Variants in EPB41L2 observed in about 807,000 individuals in gnomAD.
EPB41L2 encodes erythrocyte membrane protein band 4.1 like 2.
In EPB41L2, 43 loss-of-function variants were observed where a neutral mutation model predicts 113.0. That is an observed-to-expected ratio of 0.38 (90% confidence interval 0.30 to 0.49). The LOEUF (loss-of-function observed/expected upper bound fraction) is 0.49, where lower values mean the gene tolerates loss of function less well. Ranked by LOEUF, EPB41L2 falls within the 20% of genes least tolerant of loss-of-function variation. The pLI, the probability that EPB41L2 is intolerant of heterozygous loss-of-function variation, is 0.95. For synonymous variants in EPB41L2, 442 were observed against 436.7 expected (o/e 1.01, Z -0.15); for missense variants, 1,147 against 1,223.4 (o/e 0.94, Z 0.93).
At chr6:130,921,435 G>A (rs896213137) in intron 4 of EPB41L2, among the ~76,000 whole-genome samples, 2 of 151,998 alleles carry the variant, frequency 1.3e-5, no homozygotes, top group African/African-American at 2.4e-5. Context: ...GAGAAAACAC[G>A]AGTCCCTACC....
intron 1 of EPB41L2, among the ~76,000 whole-genome samples, chr6:131,045,187 A>G (rs551983619): frequency 1.3e-5 from 2 of 152,246 alleles, no homozygotes; most frequent in African/African-American, 2.4e-5. Flanking sequence ...CTTCATGGAC[A>G]TGGTTTCCAC....
At chr6:131,016,281 G>A (rs1788180756) in intron 1 of EPB41L2, among the ~76,000 whole-genome samples, 1 of 152,024 alleles carries the variant, frequency 6.6e-6, no homozygotes, top group East Asian at 1.9e-4. Context: ...GATCTTTCCA[G>A]TAAAAAGAAT....
At chr6:130,967,270 T>G (rs1191847875) in intron 1 of EPB41L2, among the ~76,000 whole-genome samples, 2 of 147,746 alleles carry the variant, frequency 1.4e-5, no homozygotes, top group Non-Finnish European at 3.0e-5. Flanking sequence ...ATACAGAAGT[T>G]GCCTATATGG....
intron 6 of EPB41L2, among the ~76,000 whole-genome samples, chr6:130,903,217 A>G (rs1178759752): frequency 2.0e-5 from 3 of 152,180 alleles, no homozygotes; most frequent in African/African-American, 7.2e-5. Context: ...AGCCCCAGTT[A>G]CATGCATTGT....
At chr6:130,917,023 A>G (rs1367492396) in intron 4 of EPB41L2, among the ~76,000 whole-genome samples, 3 of 152,132 alleles carry the variant, frequency 2.0e-5, no homozygotes, top group Non-Finnish European at 2.9e-5. Flanking sequence ...CCACATTCCC[A>G]TATCTAAGTG....
At chr6:131,031,896 T>G (rs1792230002) in intron 1 of EPB41L2, among the ~76,000 whole-genome samples, 1 of 152,226 alleles carries the variant, frequency 6.6e-6, no homozygotes. Context: ...TTAAATGCCA[T>G]GAAACTCTTT....
intron 11 of EPB41L2, 45 bp downstream of exon 11, chr6:130,890,249 T>C: frequency 6.3e-7 from 1 of 1,576,850 alleles, no homozygotes; most frequent in Non-Finnish European, 8.6e-7. Flanking sequence ...CTCATGGGAT[T>C]AGAGAAAGAT....
rs747857496 is a variant in EPB41L2, at chr6:130,867,503, T to C, written c.2686A>G (p.Ile896Val). ...RTEISTKEVP[I>V]VQTETKTITY... ...ATGGTTTTGGTCTCAGTTTGGACAA[T>C]GGGGACTTCCTTGGTGGAGATTTCT... The change falls in exon 16 of 20, where the codon ATT becomes GTT. Residue 896 changes from isoleucine (I) to valine (V), a missense_variant. Transcript: ENST00000337057. 8 of 1,613,888 alleles carry C rather than the reference T, an allele frequency of 5.0e-6. No individual in the cohort carries two copies. Among genetic ancestry groups the C allele is most frequent in the Middle Eastern group, 1.6e-4 (1 of 6,080 alleles).
chr6:131,053,434 TA>T (rs71030727), intron 1 of EPB41L2, among the ~76,000 whole-genome samples: 32,167 of 88,880 alleles, frequency 0.36, 4,398 homozygotes, highest in Non-Finnish European at 0.42. Context: ...ATGGAAATGA[TA>T]AAAAAAAAAA....
chr6:131,058,644 TATA>T (rs1191416237), intron 1 of EPB41L2, among the ~76,000 whole-genome samples: 2 of 152,236 alleles, frequency 1.3e-5, no homozygotes, highest in Non-Finnish European at 2.9e-5. Flanking sequence ...CACAAATACC[TATA>T]ATATTCCCTC....
chr6:130,897,417 T>A (rs9483188), intron 8 of EPB41L2, among the ~76,000 whole-genome samples: 47 of 152,352 alleles, frequency 3.1e-4, no homozygotes, highest in Admixed American at 1.6e-3. Context: ...ATTTTTTTAG[T>A]GTTCTGCTCC....
chr6:130,878,832 T>C (rs912671064), intron 13 of EPB41L2, among the ~76,000 whole-genome samples: 15 of 152,230 alleles, frequency 9.9e-5, no homozygotes, highest in African/African-American at 3.4e-4. Context: ...TGATGGCTTT[T>C]AATTCTTAAG....
chr6:130,875,451 C>T (rs1298182410), intron 14 of EPB41L2, among the ~76,000 whole-genome samples: 1 of 152,148 alleles, frequency 6.6e-6, no homozygotes, highest in African/African-American at 2.4e-5. Flanking sequence ...AATTTTCCTT[C>T]CTTCGTGCTC....
At position 130,988,352 on chromosome 6, in the gene EPB41L2, A is replaced by G. The variant is rs1302382512; in HGVS notation, c.-14-31853T>C. ...GAAGTGATGTAACACCTAAATTCTT[A>G]GAAAAGATTACAGAAATCAAGAGTA... On this transcript the variant is annotated intron_variant, in intron 1 of 19. Transcript: ENST00000337057. 7.9e-5 allele frequency among the ~76,000 whole-genome samples: 12 copies of G among 152,224 alleles called. 1 individual carries two copies. The highest frequency in any genetic ancestry group is 2.9e-4 in the African/African-American group (12 of 41,464).
chr6:131,032,404 A>C lies in EPB41L2; in HGVS notation c.-15+30751T>G, dbSNP rs73623321. Among the ~76,000 whole-genome samples, 1,323 of 152,284 alleles carry C rather than the reference A, an allele frequency of 8.7e-3. 25 individuals are homozygous for C. The highest frequency in any genetic ancestry group is 0.03 in the African/African-American group (1,244 of 41,546). On this transcript the variant is annotated intron_variant, in intron 1 of 19. Coordinates refer to ENST00000337057, the MANE Select transcript of EPB41L2 (RefSeq NM_001431.4). ...ACCTTCACTTTTTTCCCTCATGATT[A>C]AAAACTCGCTTGCACAGAAGGTCAC... is the stretch of plus-strand genomic sequence containing the variant.
intron 1 of EPB41L2, among the ~76,000 whole-genome samples, chr6:130,983,094 G>A (rs537653734): frequency 2.6e-5 from 4 of 152,132 alleles, no homozygotes; most frequent in Non-Finnish European, 5.9e-5. Flanking sequence ...ATTTGCCCAC[G>A]GACTTTACTA....
At chr6:131,054,722 G>C (rs1256196918) in intron 1 of EPB41L2, among the ~76,000 whole-genome samples, 1 of 152,180 alleles carries the variant, frequency 6.6e-6, no homozygotes, top group African/African-American at 2.4e-5. Flanking sequence ...GACAAACATG[G>C]AAATAACAAA....
At chr6:131,055,492 C>T (rs1225436666) in intron 1 of EPB41L2, among the ~76,000 whole-genome samples, 1 of 152,152 alleles carries the variant, frequency 6.6e-6, no homozygotes, top group African/African-American at 2.4e-5. Flanking sequence ...ATAATCATAC[C>T]TTTACACAAA....
intron 4 of EPB41L2, among the ~76,000 whole-genome samples, chr6:130,914,314 T>C (rs1800289530): frequency 6.6e-6 from 1 of 152,234 alleles, no homozygotes; most frequent in Admixed American, 6.5e-5. Context: ...TAATTTTATA[T>C]ATCCATAGGT....
Sources: allele counts gnomAD v4.1 joint callset (sites outside exome capture counted in the v4.1 genomes callset), GRCh38; gene constraint gnomAD v4.1.1; transcripts MANE v1.5; gene names NCBI Gene and HGNC (gene_info 2026-07-23, HGNC 2026-07-21).